The following ADGRL2 variants were observed in gnomAD, a reference collection of about 807,000 sequenced individuals.
ADGRL2 encodes the protein adhesion G protein-coupled receptor L2, also known as calcium-independent alpha-latrotoxin receptor 2.
In ADGRL2, 44 loss-of-function variants were observed where a neutral mutation model predicts 157.4. The ratio of observed to expected loss-of-function variants is 0.28; its 90% confidence interval spans 0.22 to 0.36. ADGRL2 has a LOEUF of 0.36. Ranked by LOEUF, ADGRL2 falls within the 10% of genes least tolerant of loss-of-function variation. ADGRL2 has a pLI of 1.00. For synonymous variants in ADGRL2, 585 were observed against 624.7 expected, an observed-to-expected ratio of 0.94 and a Z score of 0.95; for missense variants, 1,510 against 1,768.9, an observed-to-expected ratio of 0.85 and a Z score of 2.63.
At chr1:81,384,514 A>G (rs779481063) in intron 1 of ADGRL2, among the ~76,000 whole-genome samples, 1 of 152,304 alleles carries the variant, frequency 6.6e-6, no homozygotes, top group Non-Finnish European at 1.5e-5. Flanking sequence ...GCTTTTACCT[A>G]TCATTTAATT....
intron 1 of ADGRL2, among the ~76,000 whole-genome samples, chr1:81,429,975 C>T (rs879282699): frequency 6.6e-6 from 1 of 152,144 alleles, no homozygotes; most frequent in Non-Finnish European, 1.5e-5. Context: ...CTCACCGCAA[C>T]CTCCGCCTCC....
At chr1:81,453,973 C>A (rs2077750530) in intron 2 of ADGRL2, among the ~76,000 whole-genome samples, 1 of 152,168 alleles carries the variant, frequency 6.6e-6, no homozygotes, top group Non-Finnish European at 1.5e-5. Flanking sequence ...TAAATTTGGA[C>A]TATTCTGTGA....
intron 1 of ADGRL2, among the ~76,000 whole-genome samples, chr1:81,329,283 AC>A (rs1420429485): frequency 2.0e-5 from 3 of 151,144 alleles, no homozygotes; most frequent in Non-Finnish European, 4.4e-5. Context: ...AGAACACCCC[AC>A]CCCCAACCCC....
In ADGRL2 at chr1:81,746,306, T is replaced by C. The variant is rs181027139; in HGVS notation, c.-142-15505T>C. 4.4e-3 allele frequency among the ~76,000 whole-genome samples: 667 copies of C among 152,278 alleles called. 4 individuals carry two copies. The highest frequency in any genetic ancestry group is 0.015 in the African/African-American group (636 of 41,564). On this transcript the variant is annotated intron_variant, in intron 1 of 20. Coordinates refer to the ADGRL2 transcript ENST00000359929. ...AAAATGTATATTTTTAAAAATTTTT[T>C]GAGACAGGGTCTTGCTCTGTCGCCC...
chr1:81,322,125 C>CATATATATAT (rs1557595212), intron 1 of ADGRL2, among the ~76,000 whole-genome samples: 41 of 119,620 alleles, frequency 3.4e-4, no homozygotes, highest in African/African-American at 1.1e-3. Flanking sequence ...TATATATATA[C>CATATATATAT]ACACACACAC....
At chr1:81,324,061 C>T (rs577002858) in intron 1 of ADGRL2, among the ~76,000 whole-genome samples, 9 of 152,064 alleles carry the variant, frequency 5.9e-5, no homozygotes, top group Non-Finnish European at 1.2e-4. Context: ...TGCAAAGATA[C>T]CTCTGGTTTT....
rs369833391 is a variant in ADGRL2 at position 81,946,610 on chromosome 1, A to G, written c.1210+2841A>G. Among the ~76,000 whole-genome samples the G allele has an allele frequency of 2.0e-5, 3 of 152,160 alleles. No individual in the cohort carries two copies. The East Asian group carries it at 5.8e-4, about 29-fold the overall frequency. ...TTACTTGGCTTTTGGCAGTTCCTCAACATTTGGGTTAGACTAATTAATGAT... is the reference window on the plus strand; with the variant it reads ...TTACTTGGCTTTTGGCAGTTCCTCAGCATTTGGGTTAGACTAATTAATGAT... On this transcript the variant is annotated intron_variant, in intron 6 of 23. Coordinates refer to ENST00000686636, the MANE Select transcript of ADGRL2 (RefSeq NM_001366006.2).
chr1:81,580,796 A>G (rs1395439342), intron 2 of ADGRL2: 1 of 152,140 alleles, frequency 6.6e-6, no homozygotes, highest in African/African-American at 2.4e-5. Flanking sequence ...CCAGTATAAT[A>G]CCTAATTTGC....
At chr1:81,696,009 C>T (rs2083436067), upstream of ADGRL2, among the ~76,000 whole-genome samples, 1 of 152,050 alleles carries the variant, frequency 6.6e-6, no homozygotes, top group South Asian at 2.1e-4. Context: ...GTAGCTCTCT[C>T]GCCATCCAGT....
intron 2 of ADGRL2, among the ~76,000 whole-genome samples, chr1:81,850,414 C>T (rs1237566149): frequency 6.6e-6 from 1 of 151,784 alleles, no homozygotes; most frequent in Non-Finnish European, 1.5e-5. Context: ...TCATTATTTC[C>T]TTTAAGCTAG....
intron 2 of ADGRL2, among the ~76,000 whole-genome samples, chr1:81,448,704 CA>C (rs1318230534): frequency 6.6e-6 from 1 of 151,796 alleles, no homozygotes; most frequent in African/African-American, 2.4e-5. Flanking sequence ...CAAAAACAGA[CA>C]AACAAAAAAA....
At chr1:81,644,418 A>G (rs1415518331) in intron 3 of ADGRL2, among the ~76,000 whole-genome samples, 1 of 152,208 alleles carries the variant, frequency 6.6e-6, no homozygotes, top group Non-Finnish European at 1.5e-5. Context: ...GACACTGGCT[A>G]GAGAATGAAA....
chr1:81,368,894 T>G (rs2076113200), intron 1 of ADGRL2, among the ~76,000 whole-genome samples: 2 of 152,126 alleles, frequency 1.3e-5, no homozygotes, highest in Non-Finnish European at 2.9e-5. Context: ...TTGTCATCCT[T>G]TTTTTACATA....
At chr1:81,950,027 C>G (rs1411544644) in intron 6 of ADGRL2, among the ~76,000 whole-genome samples, 162 bp from the exon 7 acceptor site, 1 of 152,104 alleles carries the variant, frequency 6.6e-6, no homozygotes, top group African/African-American at 2.4e-5. Flanking sequence ...AAGATGTATT[C>G]TTACGAGCGA....
chr1:81,716,066 GA>G (rs1221535824), intron 1 of ADGRL2, among the ~76,000 whole-genome samples: 1 of 152,166 alleles, frequency 6.6e-6, no homozygotes, highest in Non-Finnish European at 1.5e-5. Context: ...AAGTGATAGA[GA>G]AGAAAGAAAG....
chr1:81,993,054 T>TATAC lies in ADGRL2; in HGVS notation c.*1913_*1916dup, dbSNP rs1273494025. Among the ~76,000 whole-genome samples, 1 of 68,932 alleles carries TATAC rather than the reference T, an allele frequency of 1.5e-5. No homozygotes were observed. Among genetic ancestry groups the TATAC allele is most frequent in the African/African-American group, 6.7e-5 (1 of 14,956 alleles). The allele number at this position is 68,932 out of a possible 152,430, so 45.2% of individuals were successfully genotyped here. On this transcript the variant is annotated 3_prime_UTR_variant, in exon 24 of 24. Coordinates refer to ENST00000686636, the MANE Select transcript of ADGRL2 (RefSeq NM_001366006.2). ...TTAAAAATTAAGTGCATATATATAA[T>TATAC]ATACATATATATATATATATATATA...
At chr1:81,655,201 T>G (rs146794853) in intron 3 of ADGRL2, among the ~76,000 whole-genome samples, 1 of 152,164 alleles carries the variant, frequency 6.6e-6, no homozygotes, top group Non-Finnish European at 1.5e-5. Flanking sequence ...GGGTTTTCAC[T>G]GTGTTAGCCA....
chr1:81,364,826 G>A (rs1343194076), intron 1 of ADGRL2, among the ~76,000 whole-genome samples: 2 of 151,602 alleles, frequency 1.3e-5, no homozygotes, highest in African/African-American at 4.8e-5. Context: ...CAGTCTCCTA[G>A]CGAATTTTTA....
intron 2 of ADGRL2, among the ~76,000 whole-genome samples, chr1:81,478,288 G>C (rs533285810): frequency 6.6e-4 from 101 of 152,262 alleles, no homozygotes; most frequent in African/African-American, 2.4e-3. Flanking sequence ...GGCCGTACAG[G>C]CTGGGCGATA....
Sources: allele counts gnomAD v4.1 joint callset (sites outside exome capture counted in the v4.1 genomes callset), GRCh38; gene constraint gnomAD v4.1.1; transcripts MANE v1.5; gene names NCBI Gene and HGNC (gene_info 2026-07-23, HGNC 2026-07-21).